POU2F1: variants seen among roughly 807,000 people sequenced by gnomAD.
The protein encoded by POU2F1 is POU domain, class 2, transcription factor 1.
POU2F1 carries 16 observed loss-of-function variants against 84.9 expected under a neutral mutation model. That is an observed-to-expected ratio of 0.19 (90% CI 0.13 to 0.29). The LOEUF (loss-of-function observed/expected upper bound fraction) is 0.29, where lower values mean the gene tolerates loss of function less well. Ranked by LOEUF, POU2F1 falls within the 10% of genes least tolerant of loss-of-function variation. The pLI is 1.00. For missense variants in POU2F1, 738 were observed against 942.6 expected (o/e 0.78, Z 2.84); for synonymous variants, 368 against 368.3 (o/e 1.00, Z 0.01).
intron 7 of POU2F1, among the ~76,000 whole-genome samples, chr1:167,381,909 C>T (rs904710891): frequency 6.6e-6 from 1 of 151,866 alleles, no homozygotes; most frequent in Non-Finnish European, 1.5e-5. Flanking sequence ...CGCGCCTGGC[C>T]CTCTCTTTTT....
chr1:167,399,486 A>G, intron 12 of POU2F1, 121 bp downstream of exon 12: 2 of 877,540 alleles, frequency 2.3e-6, no homozygotes, highest in East Asian at 2.7e-5. Flanking sequence ...AAATAAATGC[A>G]TGTAAATTTG....
chr1:167,382,965 C>T (rs913478959), intron 7 of POU2F1, among the ~76,000 whole-genome samples: 4 of 152,062 alleles, frequency 2.6e-5, no homozygotes, highest in Non-Finnish European at 5.9e-5. Flanking sequence ...TTAATATATC[C>T]AAATTTAGTA....
intron 1 of POU2F1, among the ~76,000 whole-genome samples, chr1:167,320,475 A>G (rs922772809): frequency 6.6e-6 from 1 of 152,252 alleles, no homozygotes; most frequent in African/African-American, 2.4e-5. Context: ...GAATACCTAC[A>G]AAGTCAGCTA....
chr1:167,227,797 G>A (rs540404550), intron 1 of POU2F1, among the ~76,000 whole-genome samples: 1 of 152,302 alleles, frequency 6.6e-6, no homozygotes, highest in South Asian at 2.1e-4. Flanking sequence ...ATTAAAATAT[G>A]TAACAGATAA....
chr1:167,251,242 A>T (rs1177615611), intron 1 of POU2F1, among the ~76,000 whole-genome samples: 1 of 151,886 alleles, frequency 6.6e-6, no homozygotes, highest in Non-Finnish European at 1.5e-5. Context: ...CTACAAAAAA[A>T]TCCAGAAATT....
intron 13 of POU2F1, among the ~76,000 whole-genome samples, chr1:167,405,714 A>C (rs1424921186): frequency 6.6e-6 from 1 of 152,162 alleles, no homozygotes; most frequent in African/African-American, 2.4e-5. Context: ...GCCGTGAAGG[A>C]TATACAACAT....
intron 1 of POU2F1, among the ~76,000 whole-genome samples, chr1:167,259,514 A>G (rs554993565): frequency 2.6e-5 from 4 of 152,320 alleles, no homozygotes; most frequent in South Asian, 4.2e-4. Context: ...CTTATAAGCA[A>G]TGCTGCTCAG....
At chr1:167,389,072 G>A (rs1425782265) in intron 8 of POU2F1, among the ~76,000 whole-genome samples, 1 of 152,106 alleles carries the variant, frequency 6.6e-6, no homozygotes, top group Non-Finnish European at 1.5e-5. Context: ...ATACAAAAGC[G>A]AAACCTGTTA....
chr1:167,400,941 G>A (rs767623605), intron 12 of POU2F1, among the ~76,000 whole-genome samples: 15 of 152,266 alleles, frequency 9.9e-5, no homozygotes, highest in Middle Eastern at 3.4e-3. Flanking sequence ...ATTTTGTTTT[G>A]TAAAGGTGAT....
rs183107418 is a variant in POU2F1, at chr1:167,235,459, C to T, written c.61+14501C>T. On this transcript the variant is annotated intron_variant, in intron 1 of 15. Transcript: ENST00000367866. The stretch of plus-strand genomic sequence containing the variant: ...TGTTGCTGGAAAGTATGATTTCAGG[C>T]GATTAGACTATAGGGGCAAAGCCAT... Among the ~76,000 whole-genome samples, 46 of 152,172 alleles carry T rather than the reference C, an allele frequency of 3.0e-4. No individual in the cohort carries two copies. In the East Asian group the frequency reaches 5.4e-3, roughly 18 times the overall value.
At chr1:167,386,309 A>C (rs1293527232) in intron 8 of POU2F1, among the ~76,000 whole-genome samples, 1 of 152,122 alleles carries the variant, frequency 6.6e-6, no homozygotes, top group East Asian at 1.9e-4. Flanking sequence ...ATCCTCCCGC[A>C]TCAGCCTCCT....
At chr1:167,396,698 C>A in intron 10 of POU2F1, 2 of 339,986 alleles carry the variant, frequency 5.9e-6, no homozygotes, top group Non-Finnish European at 1.1e-5. Flanking sequence ...CACACACACA[C>A]ACACACACAC....
chr1:167,374,795 C>T (rs113422893), intron 6 of POU2F1, among the ~76,000 whole-genome samples: 3,860 of 152,236 alleles, frequency 0.025, 161 homozygotes, highest in African/African-American at 0.086. Flanking sequence ...GCGCCAGGCG[C>T]GGTGGCTCAC....
chr1:167,412,282 G>A lies in POU2F1; in HGVS notation c.1879G>A (p.Ala627Thr). 6.4e-7 allele frequency: 1 copy of A among 1,560,038 alleles called. No individual in the cohort carries two copies. Among genetic ancestry groups the A allele is most frequent in the Non-Finnish European group, 8.7e-7 (1 of 1,149,568 alleles). ...TGCAGGACTAAACCCAAGCCTGATG[G>A]CACCCTCACAGTTTGCGGCTGGGTA... is the stretch of plus-strand genomic sequence containing the variant. ...AAAGLNPSLM[A>T]PSQFAAGGAL... Residue 627 changes from alanine to threonine, a missense_variant, in exon 14 of 16, where the codon GCA (alanine) becomes ACA (threonine). This residue lies in a region of POU2F1 where 319 missense variants were observed against 386.0 expected (regional missense o/e 0.83). Coordinates refer to ENST00000367866, the MANE Select transcript of POU2F1 (RefSeq NM_002697.4).
chr1:167,254,000 G>T (rs1234919346), intron 1 of POU2F1, among the ~76,000 whole-genome samples: 1 of 152,186 alleles, frequency 6.6e-6, no homozygotes, highest in South Asian at 2.1e-4. Context: ...TGACTAGAGT[G>T]TAGAATGGAA....
chr1:167,315,955 A>G (rs1655863967), intron 1 of POU2F1, among the ~76,000 whole-genome samples: 1 of 152,228 alleles, frequency 6.6e-6, no homozygotes, highest in African/African-American at 2.4e-5. Context: ...ATGCCAAGTA[A>G]AAAATGCCAA....
At chr1:167,381,520 C>A (rs1174949609) in intron 7 of POU2F1, among the ~76,000 whole-genome samples, 1 of 150,218 alleles carries the variant, frequency 6.7e-6, no homozygotes, top group Non-Finnish European at 1.5e-5. Flanking sequence ...AACTAACTTT[C>A]ATTGTTAAAC....
chr1:167,272,042 A>C (rs1208460343), intron 1 of POU2F1, among the ~76,000 whole-genome samples: 1 of 152,222 alleles, frequency 6.6e-6, no homozygotes, highest in Non-Finnish European at 1.5e-5. Context: ...AGAGTTGAAT[A>C]GTTGTGGCAG....
intron 1 of POU2F1, among the ~76,000 whole-genome samples, chr1:167,322,094 A>G (rs907848446): frequency 1.3e-5 from 2 of 152,212 alleles, no homozygotes; most frequent in African/African-American, 4.8e-5. Context: ...AATGATTGAA[A>G]TGTCCATTCC....
Sources: allele counts gnomAD v4.1 joint callset (sites outside exome capture counted in the v4.1 genomes callset), GRCh38; gene constraint gnomAD v4.1.1; regional missense constraint gnomAD v4.1.1; transcripts MANE v1.5; gene names NCBI Gene and HGNC (gene_info 2026-07-23, HGNC 2026-07-21).